The following TMEM132D variants were observed in gnomAD, a reference collection of about 807,000 sequenced individuals.
TMEM132D encodes transmembrane protein 132D, also known as mature OL transmembrane protein.
In TMEM132D, 21 loss-of-function variants were observed where a neutral mutation model predicts 62.3. The observed-to-expected ratio is 0.34, with a 90% CI of 0.24 to 0.49. TMEM132D has a LOEUF of 0.49. Among genes scored for constraint, TMEM132D ranks in the 20% least tolerant of loss-of-function variants. The pLI is 0.99. For synonymous variants in TMEM132D, 621 were observed against 575.6 expected (o/e 1.08, Z -1.13); for missense variants, 1,346 against 1,402.8 (o/e 0.96, Z 0.65).
chr12:129,139,785 G>A (rs1876684462), intron 5 of TMEM132D, among the ~76,000 whole-genome samples: 1 of 152,036 alleles, frequency 6.6e-6, no homozygotes, highest in African/African-American at 2.4e-5. Context: ...TTGACCTCTT[G>A]AGCTCAATTA....
At chr12:129,347,507 T>G (rs549260300) in intron 3 of TMEM132D, among the ~76,000 whole-genome samples, 1 of 152,232 alleles carries the variant, frequency 6.6e-6, no homozygotes, top group Non-Finnish European at 1.5e-5. Context: ...GCTGGCCATA[T>G]GCAGAAAACA....
At chr12:129,653,520 G>C (rs1212932741) in intron 2 of TMEM132D, among the ~76,000 whole-genome samples, 1 of 152,178 alleles carries the variant, frequency 6.6e-6, no homozygotes, top group Non-Finnish European at 1.5e-5. Context: ...ATCTGGATAA[G>C]ATAATTCGTA....
intron 4 of TMEM132D, among the ~76,000 whole-genome samples, chr12:129,310,057 G>A (rs968382446): frequency 6.7e-5 from 10 of 150,076 alleles, no homozygotes; most frequent in Admixed American, 3.3e-4. Context: ...AGGGCTGGCC[G>A]AGGAGGAAAA....
intron 2 of TMEM132D, among the ~76,000 whole-genome samples, chr12:129,642,800 G>T (rs987819074): frequency 6.6e-6 from 1 of 151,968 alleles, no homozygotes; most frequent in Non-Finnish European, 1.5e-5. Context: ...GCTTGGTGAT[G>T]GTCTATCTTT....
At chr12:129,289,416 C>T (rs893431853) in intron 4 of TMEM132D, among the ~76,000 whole-genome samples, 11 of 151,434 alleles carry the variant, frequency 7.3e-5, no homozygotes, top group African/African-American at 2.4e-4. Flanking sequence ...TGGTGGCAGG[C>T]GCCTGTAATC....
chr12:129,160,321 C>T (rs867443023), intron 5 of TMEM132D, among the ~76,000 whole-genome samples: 1 of 152,252 alleles, frequency 6.6e-6, no homozygotes, highest in South Asian at 2.1e-4. Flanking sequence ...TGGCATGTGG[C>T]CCAGGCCTCA....
In TMEM132D at chr12:129,362,685, T is replaced by C. The variant is rs1431151630; in HGVS notation, c.1116-24868A>G. ...CTGCAGACTGTTCGAGATCACATCT[T>C]GCCTGCATAAACAGGTATCTGGGAT... is the stretch of plus-strand genomic sequence containing the variant. On this transcript the variant is annotated intron_variant, in intron 3 of 8. Coordinates refer to ENST00000422113, the MANE Select transcript of TMEM132D (RefSeq NM_133448.3). Among the ~76,000 whole-genome samples, 3 of 152,302 alleles carry C rather than the reference T, an allele frequency of 2.0e-5. No individual in the cohort carries two copies. In the East Asian group the frequency reaches 5.8e-4, roughly 29 times the overall value.
At chr12:129,418,235 C>T (rs936003741) in intron 3 of TMEM132D, among the ~76,000 whole-genome samples, 4 of 152,206 alleles carry the variant, frequency 2.6e-5, no homozygotes, top group African/African-American at 9.6e-5. Context: ...GATGATAAAT[C>T]ATTCTACTAT....
chr12:129,356,654 C>CAAAAAAGAAATA (rs34719078), intron 3 of TMEM132D, among the ~76,000 whole-genome samples: 1 of 116,072 alleles, frequency 8.6e-6, no homozygotes, highest in Non-Finnish European at 1.9e-5. Context: ...CCTGTCTCTA[C>CAAAAAAGAAATA]AATAAATAAA....
At chr12:129,717,200 G>A (rs1237228412) in intron 1 of TMEM132D, among the ~76,000 whole-genome samples, 1 of 152,158 alleles carries the variant, frequency 6.6e-6, no homozygotes, top group Non-Finnish European at 1.5e-5. Context: ...TCTTAATCCA[G>A]GAAGGCCATT....
chr12:129,242,032 T>C (rs1178506799), intron 4 of TMEM132D, among the ~76,000 whole-genome samples: 1 of 152,210 alleles, frequency 6.6e-6, no homozygotes, highest in Non-Finnish European at 1.5e-5. Flanking sequence ...CAACTGACCC[T>C]GGGGATTCGG....
chr12:129,532,035 G>GAC (rs1446490158), intron 2 of TMEM132D, among the ~76,000 whole-genome samples: 2 of 152,068 alleles, frequency 1.3e-5, no homozygotes, highest in African/African-American at 4.8e-5. Flanking sequence ...CAGTTTGGGT[G>GAC]ACAAAGTGAG....
chr12:129,812,885 CCCT>C (rs764997782), intron 1 of TMEM132D, among the ~76,000 whole-genome samples: 4 of 151,732 alleles, frequency 2.6e-5, no homozygotes, highest in Admixed American at 6.6e-5. Flanking sequence ...AAATGTGTGT[CCCT>C]AAGCCTGACA....
chr12:129,648,236 T>C (rs967176850), intron 2 of TMEM132D, among the ~76,000 whole-genome samples: 7 of 152,070 alleles, frequency 4.6e-5, no homozygotes, highest in African/African-American at 1.7e-4. Flanking sequence ...ACCACCCAGA[T>C]TGGTACACTG....
intron 3 of TMEM132D, among the ~76,000 whole-genome samples, chr12:129,524,524 C>T (rs1018502651): frequency 2.6e-5 from 4 of 152,116 alleles, no homozygotes; most frequent in African/African-American, 9.7e-5. Context: ...AAAATTAATT[C>T]ACATCTTGAT....
intron 4 of TMEM132D, among the ~76,000 whole-genome samples, chr12:129,309,603 A>G (rs1399166022): frequency 6.6e-6 from 1 of 152,232 alleles, no homozygotes; most frequent in Non-Finnish European, 1.5e-5. Context: ...CTCAGAGGAG[A>G]GTTGCACTTT....
chr12:129,560,320 A>G (rs1322205268), intron 2 of TMEM132D, among the ~76,000 whole-genome samples: 1 of 146,724 alleles, frequency 6.8e-6, no homozygotes, highest in Non-Finnish European at 1.5e-5. Flanking sequence ...CCCAGGCTGG[A>G]GTGCAGTGGC....
At position 129,074,119 on chromosome 12, in the gene TMEM132D, G is replaced by C. The variant is rs949845901; in HGVS notation, c.3056C>G (p.Pro1019Arg). 6 of 1,614,022 alleles carry C rather than the reference G, an allele frequency of 3.7e-6. 1 individual carries two copies. In the Admixed American group the frequency reaches 5.0e-5, roughly 13 times the overall value. ...QKSINGQLFK[P>R]LGPIIIDGKD... is the part of the protein sequence containing the mutation. ...CCCATCAATGATGATGGGTCCCAAA[G>C]GTTTGAACAGCTGCCCATTGATGCT... The change falls in exon 9 of 9, where the codon CCT becomes CGT. Residue 1019 changes from proline to arginine, a missense_variant. Coordinates refer to ENST00000422113, the MANE Select transcript of TMEM132D (RefSeq NM_133448.3).
intron 2 of TMEM132D, among the ~76,000 whole-genome samples, chr12:129,672,543 G>C (rs1164670391): frequency 6.6e-6 from 1 of 152,184 alleles, no homozygotes; most frequent in Non-Finnish European, 1.5e-5. Flanking sequence ...GGTAACCAAA[G>C]TTCCCCAGAG....
Sources: gnomAD v4.1 joint callset for allele counts (sites outside exome capture counted in the v4.1 genomes callset) on GRCh38, gnomAD v4.1.1 for gene constraint, MANE v1.5 for transcripts, NCBI Gene and HGNC (gene_info 2026-07-23, HGNC 2026-07-21) for gene names.